Variants in ACSS3 observed in about 807,000 individuals in gnomAD.
ACSS3 encodes acyl-CoA synthetase short-chain family member 3, mitochondrial.
A neutral mutation model predicts 84.2 loss-of-function variants in ACSS3; 64 were observed. That is an observed-to-expected ratio of 0.76 (90% CI 0.62 to 0.94). ACSS3 has a LOEUF of 0.94. ACSS3 is among the 40% of genes least tolerant of loss of function. ACSS3 has a pLI of 0.00. For synonymous variants in ACSS3, 317 were observed against 310.1 expected (o/e 1.02, Z -0.23); for missense variants, 815 against 867.6 (o/e 0.94, Z 0.76).
At chr12:81,247,044 G>T (rs74103941) in intron 13 of ACSS3, among the ~76,000 whole-genome samples, 2,176 of 134,656 alleles carry the variant, frequency 0.016, 53 homozygotes, top group African/African-American at 0.054. Flanking sequence ...GATTTTTTTT[G>T]AGTAAAAGGA....
intron 7 of ACSS3, among the ~76,000 whole-genome samples, chr12:81,167,704 G>A (rs1438055570): frequency 6.6e-6 from 1 of 152,098 alleles, no homozygotes; most frequent in Admixed American, 6.6e-5. Context: ...CTTCCAAAAG[G>A]CCCCACCTTC....
chr12:81,176,247 G>T (rs1435048150), intron 8 of ACSS3, among the ~76,000 whole-genome samples: 4 of 152,152 alleles, frequency 2.6e-5, no homozygotes, highest in Non-Finnish European at 5.9e-5. Flanking sequence ...AAACCTAGAA[G>T]AAATGGATAA....
At chr12:81,149,420 G>T (rs990102377) in intron 5 of ACSS3, among the ~76,000 whole-genome samples, 1 of 152,090 alleles carries the variant, frequency 6.6e-6, no homozygotes, top group African/African-American at 2.4e-5. Flanking sequence ...TTATGCTAAA[G>T]AAATTCTCTT....
intron 8 of ACSS3, 119 bp downstream of exon 8, chr12:81,175,058 T>C: frequency 1.4e-5 from 16 of 1,106,538 alleles, no homozygotes; most frequent in Non-Finnish European, 1.8e-5. Context: ...AGATTCAGAG[T>C]GTTATTAAGA....
intron 8 of ACSS3, among the ~76,000 whole-genome samples, chr12:81,183,100 T>C (rs1018004788): frequency 6.6e-6 from 1 of 152,146 alleles, no homozygotes; most frequent in Non-Finnish European, 1.5e-5. Context: ...GACTTTATTA[T>C]CCATGCTGGC....
chr12:81,237,946 A>T (rs1014634518), intron 13 of ACSS3, among the ~76,000 whole-genome samples: 3 of 151,432 alleles, frequency 2.0e-5, no homozygotes, highest in African/African-American at 7.3e-5. Context: ...TCTTAGTGGG[A>T]AAGTTTTGAA....
At chr12:81,246,723 A>C (rs142014067) in intron 13 of ACSS3, among the ~76,000 whole-genome samples, 9 of 152,302 alleles carry the variant, frequency 5.9e-5, no homozygotes, top group African/African-American at 2.2e-4. Context: ...AATGAAAGAA[A>C]ATGTTTAAAG....
In ACSS3 at chr12:81,084,389, T is replaced by C. The variant is rs1881185059; in HGVS notation, c.311+5958T>C. Among the ~76,000 whole-genome samples the C allele has an allele frequency of 2.6e-5, 4 of 152,200 alleles. No homozygotes were observed. In the South Asian group the frequency reaches 8.3e-4, roughly 32 times the overall value. On this transcript the variant is annotated intron_variant, in intron 1 of 15. Coordinates refer to ENST00000548058, the MANE Select transcript of ACSS3 (RefSeq NM_024560.4). ...TGTAGAAAGAGAGGAACTTCAGGAA[T>C]AAAAATTAAATTACACATAGTGACT... is the stretch of plus-strand genomic sequence containing the variant.
intron 9 of ACSS3, among the ~76,000 whole-genome samples, chr12:81,216,257 A>C (rs1457045330): frequency 6.6e-6 from 1 of 151,536 alleles, no homozygotes; most frequent in Non-Finnish European, 1.5e-5. Context: ...CAATGAGAAC[A>C]CATGGACACA....
intron 1 of ACSS3, among the ~76,000 whole-genome samples, chr12:81,087,754 A>G (rs912943570): frequency 1.3e-5 from 2 of 151,708 alleles, no homozygotes; most frequent in Non-Finnish European, 2.9e-5. Context: ...CCTTCCTCTA[A>G]CTCTCCCTCC....
chr12:81,140,065 G>A (rs970531104), intron 4 of ACSS3, among the ~76,000 whole-genome samples: 1 of 152,170 alleles, frequency 6.6e-6, no homozygotes, highest in South Asian at 2.1e-4. Flanking sequence ...GTCAAGATGC[G>A]AATGCATGCG....
intron 1 of ACSS3, among the ~76,000 whole-genome samples, chr12:81,101,891 G>A (rs1319661077): frequency 6.6e-6 from 1 of 151,778 alleles, no homozygotes; most frequent in Non-Finnish European, 1.5e-5. Context: ...TGGATATCAT[G>A]CTGAAATTGT....
chr12:81,102,521 T>G (rs549852103), intron 1 of ACSS3, among the ~76,000 whole-genome samples: 1 of 152,236 alleles, frequency 6.6e-6, no homozygotes, highest in East Asian at 1.9e-4. Flanking sequence ...TATGTTTCAC[T>G]TTTCAAATTG....
At chr12:81,122,586 T>C (rs1459042905) in intron 2 of ACSS3, among the ~76,000 whole-genome samples, 1 of 152,266 alleles carries the variant, frequency 6.6e-6, no homozygotes, top group East Asian at 1.9e-4. Flanking sequence ...TATAACCTTA[T>C]CTAGATAACT....
rs547407586 is a variant in ACSS3, at chr12:81,211,814, G to A, written c.1355-5087G>A. 7.9e-4 allele frequency among the ~76,000 whole-genome samples: 121 copies of A among 152,218 alleles called. No homozygotes were observed. In the Middle Eastern group the frequency reaches 0.01, roughly 13 times the overall value. On this transcript the variant is annotated intron_variant, in intron 9 of 15. Coordinates refer to ENST00000548058, the MANE Select transcript of ACSS3 (RefSeq NM_024560.4). Reference sequence around the variant, plus strand: ...AATGTCACTCAGACTAAGGTCTTAGGATGACTTTGAAGTATTCCTGCATGA... The same window carrying A: ...AATGTCACTCAGACTAAGGTCTTAGAATGACTTTGAAGTATTCCTGCATGA...
chr12:81,253,784 A>ACAT, intron 15 of ACSS3, 114 bp downstream of exon 15: 1 of 983,426 alleles, frequency 1.0e-6, no homozygotes, highest in South Asian at 1.7e-5. Flanking sequence ...TCTAGAAAAC[A>ACAT]CATAATAGTA....
At chr12:81,214,906 CA>C (rs2032845039) in intron 9 of ACSS3, among the ~76,000 whole-genome samples, 1 of 152,192 alleles carries the variant, frequency 6.6e-6, no homozygotes, top group South Asian at 2.1e-4. Context: ...GTAGAAGTAA[CA>C]AAAGCATCTT....
At chr12:81,173,188 G>T (rs1429959845) in intron 7 of ACSS3, among the ~76,000 whole-genome samples, 2 of 152,132 alleles carry the variant, frequency 1.3e-5, no homozygotes, top group African/African-American at 4.8e-5. Flanking sequence ...AAAGAATAAA[G>T]TTGTAGACTC....
chr12:81,231,974 C>A (rs1312571305), intron 12 of ACSS3, among the ~76,000 whole-genome samples: 4 of 151,496 alleles, frequency 2.6e-5, no homozygotes, highest in Non-Finnish European at 5.9e-5. Context: ...AAGTACTTAG[C>A]ATTTTATCTT....
Sources: allele counts gnomAD v4.1 joint callset (sites outside exome capture counted in the v4.1 genomes callset), GRCh38; gene constraint gnomAD v4.1.1; transcripts MANE v1.5; gene names NCBI Gene and HGNC (gene_info 2026-07-23, HGNC 2026-07-21).